Variants in ZFAT observed in about 807,000 individuals in gnomAD.
ZFAT encodes the protein zinc finger and AT-hook domain containing, also known as zinc finger protein ZFAT.
A neutral mutation model predicts 117.7 loss-of-function variants in ZFAT; 64 were observed. That is an observed-to-expected ratio of 0.54 (90% CI 0.44 to 0.67). The LOEUF is 0.67. ZFAT is among the 30% of genes least tolerant of loss of function. The pLI is 0.00. For missense variants in ZFAT, 1,433 were observed against 1,584.5 expected, an observed-to-expected ratio of 0.90 and a Z score of 1.62; for synonymous variants, 679 against 615.0, an observed-to-expected ratio of 1.10 and a Z score of -1.54.
At position 134,610,459 on chromosome 8, in the gene ZFAT, G is replaced by C; in HGVS notation, c.634+11C>G. Reference sequence around the variant, plus strand: ...GGTCTTGCCTTTTCCTTTCCCGCTTGGTGCAGTCACCTGGAATTGCTTCGT... The same window carrying C: ...GGTCTTGCCTTTTCCTTTCCCGCTTCGTGCAGTCACCTGGAATTGCTTCGT... On this transcript the variant is annotated intron_variant, in intron 4 of 15. Coordinates refer to ENST00000377838, the MANE Select transcript of ZFAT (RefSeq NM_020863.4). The C allele has an allele frequency of 6.2e-7, 1 of 1,608,570 alleles. No individual in the cohort carries two copies. Among genetic ancestry groups the C allele is most frequent in the Non-Finnish European group, 8.5e-7 (1 of 1,178,116 alleles).
the ZFAT span, chr8:134,785,011 GAC>G: frequency 6.6e-6 from 1 of 152,108 alleles, no homozygotes; most frequent in Non-Finnish European, 1.5e-5. Flanking sequence ...CTTATAAAAA[GAC>G]AGATGTTGAA....
chr8:134,571,383 C>T (rs1279981693), intron 10 of ZFAT, among the ~76,000 whole-genome samples: 1 of 152,114 alleles, frequency 6.6e-6, no homozygotes, highest in Non-Finnish European at 1.5e-5. Context: ...GGAACTCAAA[C>T]ACAAAGGCTC....
chr8:134,509,778 A>T lies in ZFAT; in HGVS notation c.3362-29T>A, dbSNP rs1329044596. On this transcript the variant is annotated intron_variant, in intron 14 of 15. Transcript: ENST00000377838. ...AAGAGGAAGAAGCAAAGAGGACACC[A>T]TTCAGGCCACTGGTGCTGAAGGACA... is the stretch of plus-strand genomic sequence containing the variant. The T allele has an allele frequency of 1.9e-6, 3 of 1,570,356 alleles. No homozygotes were observed. In the African/African-American group the frequency reaches 4.1e-5, roughly 22 times the overall value.
At chr8:134,677,749 C>A (rs2131287513) in intron 1 of ZFAT, among the ~76,000 whole-genome samples, 1 of 152,322 alleles carries the variant, frequency 6.6e-6, no homozygotes, top group South Asian at 2.1e-4. Context: ...AGCTTGTCCA[C>A]CACGATTAAG....
the ZFAT span, among the ~76,000 whole-genome samples, chr8:134,756,612 C>T: frequency 1.3e-5 from 2 of 152,234 alleles, no homozygotes. Flanking sequence ...CACTGCCTGC[C>T]GATTTTCACA....
At chr8:134,774,528 G>C in the ZFAT span, among the ~76,000 whole-genome samples, 1 of 152,100 alleles carries the variant, frequency 6.6e-6, no homozygotes, top group Non-Finnish European at 1.5e-5. Context: ...ACTTCTGAAG[G>C]CTCAGATGGT....
intron 1 of ZFAT, among the ~76,000 whole-genome samples, chr8:134,658,638 C>T (rs764409741): frequency 8.5e-5 from 13 of 152,188 alleles, no homozygotes; most frequent in Non-Finnish European, 1.3e-4. Context: ...AAATAAAACA[C>T]TCACTTTTTA....
chr8:134,781,073 T>C, the ZFAT span, among the ~76,000 whole-genome samples: 1 of 152,170 alleles, frequency 6.6e-6, no homozygotes, highest in Admixed American at 6.5e-5. Flanking sequence ...CTAGTAACTC[T>C]TGGAATGCAG....
chr8:134,602,852 G>A lies in ZFAT; in HGVS notation c.867C>T (p.His289=), dbSNP rs1418002105. 4 of 1,614,162 alleles carry A rather than the reference G, an allele frequency of 2.5e-6. No individual in the cohort carries two copies. Among genetic ancestry groups the A allele is most frequent in the East Asian group, 2.2e-5 (1 of 44,878 alleles). Residue 289 remains histidine (H), a synonymous_variant, in exon 6 of 16, where the codon CAC becomes CAT. Coordinates refer to ENST00000377838, the MANE Select transcript of ZFAT (RefSeq NM_020863.4). The stretch of plus-strand genomic sequence containing the variant: ...GCTTTTCATTGGTGTGGATCCTCAG[G>A]TGGGCCTGCAGCGAGTGCTTGAACT... ...VFKFKHSLQA[H]LRIHTNEKPY...
At position 134,484,967 on chromosome 8, in the gene ZFAT, A is replaced by G. The variant is rs148857975; in HGVS notation, c.3493-6246T>C. Reference sequence around the variant, plus strand: ...GATGAACAAAGAAAGCAGTAAACACACAATGATGATGATGATGGAGACATC... The same window carrying G: ...GATGAACAAAGAAAGCAGTAAACACGCAATGATGATGATGATGGAGACATC... On this transcript the variant is annotated intron_variant, in intron 15 of 15. Transcript: ENST00000377838. 5.7e-3 allele frequency among the ~76,000 whole-genome samples: 871 copies of G among 152,234 alleles called. 5 individuals carry two copies. The highest frequency in any genetic ancestry group is 9.5e-3 in the Non-Finnish European group (649 of 67,998).
chr8:134,729,093 G>C, the ZFAT span, among the ~76,000 whole-genome samples: 1 of 152,102 alleles, frequency 6.6e-6, no homozygotes, highest in Non-Finnish European at 1.5e-5. Flanking sequence ...CCAACTAATA[G>C]CTTCATCTCT....
At chr8:134,567,211 A>C (rs558761748) in intron 10 of ZFAT, among the ~76,000 whole-genome samples, 2 of 152,258 alleles carry the variant, frequency 1.3e-5, no homozygotes, top group Non-Finnish European at 2.9e-5. Context: ...CAGCCTTCCC[A>C]GTTTATCATC....
chr8:134,635,525 G>A (rs181413010), intron 3 of ZFAT, among the ~76,000 whole-genome samples: 7 of 152,286 alleles, frequency 4.6e-5, no homozygotes, highest in East Asian at 1.9e-4. Context: ...GAGCTGCCTC[G>A]ATGGCTAGCA....
chr8:134,520,538 G>T (rs183030654), intron 13 of ZFAT, among the ~76,000 whole-genome samples: 3 of 152,272 alleles, frequency 2.0e-5, no homozygotes, highest in Admixed American at 1.3e-4. Flanking sequence ...AATTCTCTCG[G>T]TGAGGATGGC....
At chr8:134,568,199 C>G (rs1824620420) in intron 10 of ZFAT, among the ~76,000 whole-genome samples, 1 of 152,206 alleles carries the variant, frequency 6.6e-6, no homozygotes, top group South Asian at 2.1e-4. Flanking sequence ...ATCTATTATT[C>G]CAGGTGAATG....
the ZFAT span, among the ~76,000 whole-genome samples, chr8:134,742,123 C>T: frequency 6.6e-6 from 1 of 150,938 alleles, no homozygotes; most frequent in Non-Finnish European, 1.5e-5. Flanking sequence ...TCAAAAGGGT[C>T]TTTGAAGCTT....
At chr8:134,542,582 G>A (rs1822340945) in intron 11 of ZFAT, among the ~76,000 whole-genome samples, 1 of 152,204 alleles carries the variant, frequency 6.6e-6, no homozygotes, top group Admixed American at 6.5e-5. Context: ...AATTCACTTA[G>A]GATAATGGCC....
chr8:134,760,273 GAAAAA>G, the ZFAT span, among the ~76,000 whole-genome samples: 1 of 128,756 alleles, frequency 7.8e-6, no homozygotes, highest in African/African-American at 2.8e-5. Flanking sequence ...GTCTCAAAAA[GAAAAA>G]AAAAAAAAAA....
chr8:134,726,257 G>T, the ZFAT span, among the ~76,000 whole-genome samples: 3 of 152,168 alleles, frequency 2.0e-5, no homozygotes, highest in Admixed American at 6.5e-5. Flanking sequence ...AGATTCAAGT[G>T]CCCTGTTTGA....
Sources: allele counts gnomAD v4.1 joint callset (sites outside exome capture counted in the v4.1 genomes callset), GRCh38; gene constraint gnomAD v4.1.1; transcripts MANE v1.5; gene names NCBI Gene and HGNC (gene_info 2026-07-23, HGNC 2026-07-21).